Variants in AVEN observed in about 807,000 individuals in gnomAD.
The protein encoded by AVEN is apoptosis and caspase activation inhibitor, also known as cell death regulator Aven.
AVEN carries 41 observed loss-of-function variants against 38.1 expected under a neutral mutation model. The ratio of observed to expected loss-of-function variants is 1.08; its 90% CI spans 0.84 to 1.40. The LOEUF is 1.40. Among genes scored for constraint, AVEN ranks in the 40% most tolerant of loss-of-function variants. The probability of loss-of-function intolerance (pLI) is 0.00; values close to 1 mark genes in which losing one functional copy is unlikely to be tolerated. For synonymous variants in AVEN, 206 were observed against 171.8 expected (o/e 1.20, Z -1.56); for missense variants, 605 against 438.8 (o/e 1.38, Z -3.38).
chr15:33,854,678 G>C, downstream of AVEN: 2 of 1,500,154 alleles, frequency 1.3e-6, no homozygotes, highest in African/African-American at 2.8e-5. Flanking sequence ...TCTATCCTCA[G>C]TGTGTCTCCC....
chr15:34,041,184 C>A (rs1478889831), upstream of AVEN, among the ~76,000 whole-genome samples: 1 of 152,102 alleles, frequency 6.6e-6, no homozygotes, highest in Non-Finnish European at 1.5e-5. Flanking sequence ...CCACTAGATG[C>A]CAGAATGAAC....
chr15:33,927,564 C>G (rs577333004), intron 2 of AVEN, among the ~76,000 whole-genome samples: 2 of 152,158 alleles, frequency 1.3e-5, no homozygotes, highest in Admixed American at 1.3e-4. Flanking sequence ...TAATTTACAA[C>G]AAGGCTAACA....
intron 4 of AVEN, among the ~76,000 whole-genome samples, chr15:33,870,476 A>C (rs943837816): frequency 6.6e-6 from 1 of 152,032 alleles, no homozygotes; most frequent in African/African-American, 2.4e-5. Flanking sequence ...ACCACACCAC[A>C]CCAGAAACTG....
At chr15:33,951,683 C>T (rs1363642620) in intron 2 of AVEN, among the ~76,000 whole-genome samples, 3 of 151,870 alleles carry the variant, frequency 2.0e-5, no homozygotes, top group African/African-American at 7.3e-5. Flanking sequence ...TTTGTCAAAC[C>T]TGTCTCCTTG....
intron 2 of AVEN, among the ~76,000 whole-genome samples, chr15:33,917,654 C>G (rs1430746036): frequency 6.6e-6 from 1 of 151,800 alleles, no homozygotes; most frequent in Non-Finnish European, 1.5e-5. Context: ...ACTACTCAGC[C>G]ATAAAAAGGA....
chr15:33,921,239 T>C (rs1893384523), intron 2 of AVEN, among the ~76,000 whole-genome samples: 1 of 152,232 alleles, frequency 6.6e-6, no homozygotes, highest in Non-Finnish European at 1.5e-5. Flanking sequence ...TAAAGATTAA[T>C]CTTCTCAGTA....
downstream of AVEN, chr15:33,855,759 T>G (rs543619906): frequency 1.3e-5 from 2 of 152,202 alleles, no homozygotes; most frequent in Non-Finnish European, 2.9e-5. Flanking sequence ...ATACATATTA[T>G]ATAGTTAATA....
chr15:34,053,299 C>CAAAAA (rs71454513), intron 5 of AVEN, among the ~76,000 whole-genome samples: 47 of 51,524 alleles, frequency 9.1e-4, no homozygotes, highest in Non-Finnish European at 1.0e-3. Context: ...GACTCCATCT[C>CAAAAA]AAAAAAAAAA....
At chr15:33,854,685 T>C (rs713201), downstream of AVEN, 1,291,684 of 1,518,106 alleles carry the variant, frequency 0.85, 550,939 homozygotes, top group East Asian at 0.99. Flanking sequence ...TCAGTGTGTC[T>C]CCCAAAATAA....
rs1891067071 is a variant in AVEN at position 33,873,142 on chromosome 15, C to T, written c.517-2112G>A. Among the ~76,000 whole-genome samples the T allele has an allele frequency of 2.8e-5, 4 of 141,848 alleles. No homozygotes were observed. The Admixed American group carries it at 2.9e-4, about 10-fold the overall frequency. The allele number at this position is 141,848 out of a possible 152,430, so 93.1% of individuals were successfully genotyped here. A position where few individuals can be genotyped will look rare whatever the true frequency, so the allele number is the denominator to read the frequency against. On this transcript the variant is annotated intron_variant, in intron 3 of 5. Coordinates refer to ENST00000306730, the MANE Select transcript of AVEN (RefSeq NM_020371.3). ...TTTGAGATGGAGTCTCTCTGTTGCCCAGGCTGGAGTGCAATGGCACGATCT... is the reference window on the plus strand; with the variant it reads ...TTTGAGATGGAGTCTCTCTGTTGCCTAGGCTGGAGTGCAATGGCACGATCT...
intron 1 of AVEN, among the ~76,000 whole-genome samples, chr15:34,026,424 G>A (rs756063997): frequency 5.3e-5 from 8 of 152,014 alleles, no homozygotes; most frequent in Non-Finnish European, 8.8e-5. Context: ...AAGGAAACAC[G>A]GATTAATTTT....
At chr15:33,973,604 G>A (rs1895733022) in intron 2 of AVEN, among the ~76,000 whole-genome samples, 1 of 152,168 alleles carries the variant, frequency 6.6e-6, no homozygotes, top group African/African-American at 2.4e-5. Flanking sequence ...CACTCTGGGA[G>A]GCCAAAGCTG....
downstream of AVEN, chr15:33,864,042 ACCAACTAGCCTTT>A (rs1597139914): frequency 2.4e-6 from 2 of 845,640 alleles, no homozygotes; most frequent in East Asian, 5.2e-5. Flanking sequence ...ATAGCGTGGG[ACCAACTAGCCTTT>A]CTGAGCCCTG....
chr15:34,055,141 G>A (rs895266698), intron 5 of AVEN, among the ~76,000 whole-genome samples: 6 of 150,292 alleles, frequency 4.0e-5, no homozygotes, highest in East Asian at 2.0e-4. Flanking sequence ...GCGGTGAGCC[G>A]AGATCACACC....
chr15:34,045,214 T>C (rs1044865585), intron 5 of AVEN, among the ~76,000 whole-genome samples: 1 of 152,206 alleles, frequency 6.6e-6, no homozygotes, highest in African/African-American at 2.4e-5. Context: ...ATATCTCTTT[T>C]ATATGCCCCA....
intron 2 of AVEN, among the ~76,000 whole-genome samples, chr15:33,931,349 C>CTTTTTTTTTTTTTTTTTTTTTTTTTT (rs71119903): frequency 1.1e-5 from 1 of 89,274 alleles, no homozygotes; most frequent in Non-Finnish European, 2.0e-5. Context: ...TGAATATTTT[C>CTTTTTTTTTTTTTTTTTTTTTTTTTT]TTTTTTTTTT....
At chr15:33,878,951 T>C (rs1253609911) in intron 2 of AVEN, among the ~76,000 whole-genome samples, 1 of 152,126 alleles carries the variant, frequency 6.6e-6, no homozygotes, top group East Asian at 1.9e-4. Flanking sequence ...ATATTAGAAA[T>C]GATCATATGA....
intron 2 of AVEN, among the ~76,000 whole-genome samples, chr15:33,926,591 G>A (rs1446670713): frequency 6.6e-6 from 1 of 152,040 alleles, no homozygotes; most frequent in Non-Finnish European, 1.5e-5. Flanking sequence ...CAGGAGGATT[G>A]CTTGAGGGCA....
At chr15:34,044,739 T>C (rs1035645807) in intron 5 of AVEN, among the ~76,000 whole-genome samples, 4 of 152,162 alleles carry the variant, frequency 2.6e-5, no homozygotes, top group African/African-American at 9.7e-5. Flanking sequence ...GTTTCACCTA[T>C]TTTCCTGTCC....
Sources: allele counts gnomAD v4.1 joint callset (sites outside exome capture counted in the v4.1 genomes callset), GRCh38; gene constraint gnomAD v4.1.1; transcripts MANE v1.5; gene names NCBI Gene and HGNC (gene_info 2026-07-23, HGNC 2026-07-21).